The following ZCCHC17 variants were observed in gnomAD, a reference collection of about 807,000 sequenced individuals.
ZCCHC17 encodes the protein zinc finger CCHC domain-containing protein 17.
In ZCCHC17, 18 loss-of-function variants were observed where a neutral mutation model predicts 30.6. The ratio of observed to expected loss-of-function variants is 0.59; its 90% CI spans 0.41 to 0.87. The LOEUF (loss-of-function observed/expected upper bound fraction) is 0.87, where lower values mean the gene tolerates loss of function less well. Among genes scored for constraint, ZCCHC17 ranks in the 40% least tolerant of loss-of-function variants. ZCCHC17 has a pLI of 0.00. For synonymous variants in ZCCHC17, 88 were observed against 92.4 expected (o/e 0.95, Z 0.27); for missense variants, 263 against 284.2 (o/e 0.93, Z 0.54).
chr1:31,348,952 A>G lies in ZCCHC17; in HGVS notation c.542A>G (p.Asn181Ser). The change falls in exon 7 of 8, where the codon AAT becomes AGT. Residue 181 changes from asparagine to serine, a missense_variant. Coordinates refer to ENST00000344147, the MANE Select transcript of ZCCHC17 (RefSeq NM_016505.4). ...AEFEKPDPTR[N>S]PSRKRKKEKK... ...TTTGAGAAGCCTGACCCTACAAGGA[A>G]TCCTTCTAGAAAAAGAAAGAAGGTG... is the stretch of plus-strand genomic sequence containing the variant. 1 of 1,581,498 alleles carries G rather than the reference A, an allele frequency of 6.3e-7. No individual in the cohort carries two copies. The highest frequency in any genetic ancestry group is 1.4e-5 in the African/African-American group (1 of 72,868).
chr1:31,333,965 A>C (rs1638697177), intron 3 of ZCCHC17, among the ~76,000 whole-genome samples: 1 of 152,220 alleles, frequency 6.6e-6, no homozygotes, highest in Non-Finnish European at 1.5e-5. Flanking sequence ...GTCAAGATGA[A>C]GGGCTTCCCC....
At position 31,338,994 on chromosome 1, in the gene ZCCHC17, AG is replaced by A. The variant is rs1449184557; in HGVS notation, c.265del (p.Val89LeufsTer41). ...AGAATAAAAGTATCCCTCTCCATGA[AG>A]GTTGTCAATCAAGGGACTGGGAAAG... ...NDRIKVSLSM[K>X]VVNQGTGKDL... On this transcript the variant is annotated frameshift_variant, in exon 5 of 8. Coordinates refer to ENST00000344147, the MANE Select transcript of ZCCHC17 (RefSeq NM_016505.4). LOFTEE classifies it high-confidence loss of function. The A allele has an allele frequency of 6.2e-7, 1 of 1,612,768 alleles. No homozygotes were observed. Among genetic ancestry groups the A allele is most frequent in the East Asian group, 2.2e-5 (1 of 44,862 alleles).
chr1:31,351,615 G>C (rs996765668), intron 7 of ZCCHC17, among the ~76,000 whole-genome samples: 2 of 152,008 alleles, frequency 1.3e-5, no homozygotes, highest in African/African-American at 4.8e-5. Context: ...GGTGGGGCAC[G>C]GACTGTGGTC....
intron 7 of ZCCHC17, among the ~76,000 whole-genome samples, chr1:31,351,250 C>G (rs751346574): frequency 3.2e-4 from 48 of 152,304 alleles, no homozygotes; most frequent in Non-Finnish European, 5.9e-4. Flanking sequence ...TCACCAAGTC[C>G]TGGCAGTGGT....
intron 3 of ZCCHC17, among the ~76,000 whole-genome samples, chr1:31,327,156 A>G (rs1638388124): frequency 6.6e-6 from 1 of 152,216 alleles, no homozygotes; most frequent in South Asian, 2.1e-4. Context: ...CCTGACACCA[A>G]CCAACTCCCC....
intron 1 of ZCCHC17, among the ~76,000 whole-genome samples, chr1:31,303,787 C>G (rs985956980): frequency 6.6e-6 from 1 of 152,172 alleles, no homozygotes; most frequent in African/African-American, 2.4e-5. Flanking sequence ...AGGACATTCT[C>G]CTCTATAGCC....
chr1:31,315,881 C>A (rs145136803), intron 2 of ZCCHC17, among the ~76,000 whole-genome samples: 113 of 152,262 alleles, frequency 7.4e-4, no homozygotes, highest in African/African-American at 2.6e-3. Context: ...GATGAAAACA[C>A]CTGGTGCTAG....
intron 3 of ZCCHC17, among the ~76,000 whole-genome samples, chr1:31,335,242 C>T (rs1051824935): frequency 6.6e-6 from 1 of 152,086 alleles, no homozygotes; most frequent in Non-Finnish European, 1.5e-5. Context: ...TTGGCTTTGG[C>T]AATTTTTTGT....
At chr1:31,330,375 T>C (rs1638536867) in intron 3 of ZCCHC17, among the ~76,000 whole-genome samples, 1 of 152,228 alleles carries the variant, frequency 6.6e-6, no homozygotes, top group Non-Finnish European at 1.5e-5. Context: ...GTTGGGTTTA[T>C]TGAACTTGAT....
intron 2 of ZCCHC17, among the ~76,000 whole-genome samples, chr1:31,317,256 C>G (rs1232798812): frequency 6.6e-6 from 1 of 152,108 alleles, no homozygotes; most frequent in East Asian, 1.9e-4. Context: ...AACTCCTGAC[C>G]TCAGGTGATC....
intron 7 of ZCCHC17, among the ~76,000 whole-genome samples, chr1:31,359,877 G>A (rs1353740927): frequency 6.6e-6 from 1 of 151,682 alleles, no homozygotes; most frequent in Non-Finnish European, 1.5e-5. Flanking sequence ...ATTATCTTCT[G>A]TTTCCCTTCT....
chr1:31,327,294 C>G (rs1174924601), intron 3 of ZCCHC17, among the ~76,000 whole-genome samples: 3 of 152,302 alleles, frequency 2.0e-5, no homozygotes, highest in Admixed American at 2.0e-4. Flanking sequence ...TTTCAGATGC[C>G]AGCTGCAAGT....
At chr1:31,305,272 C>CT (rs113992102) in intron 1 of ZCCHC17, among the ~76,000 whole-genome samples, 82 of 146,446 alleles carry the variant, frequency 5.6e-4, no homozygotes, top group African/African-American at 1.6e-3. Context: ...TCAGAGTTGA[C>CT]TTTTTTTTTT....
chr1:31,307,526 C>T lies in ZCCHC17; in HGVS notation c.-55-2518C>T, dbSNP rs548470514. Among the ~76,000 whole-genome samples the T allele has an allele frequency of 7.9e-5, 12 of 151,470 alleles. No individual in the cohort carries two copies. The East Asian group carries it at 2.3e-3, about 30-fold the overall frequency. On this transcript the variant is annotated intron_variant, in intron 1 of 7. Transcript: ENST00000344147. The stretch of plus-strand genomic sequence containing the variant: ...ACCGGTTCAAGTGATTCTCCTGCCT[C>T]CAGAGTAGCTGGGATTACAGGCGCC...
At chr1:31,319,788 A>G (rs1646818564) in intron 3 of ZCCHC17, among the ~76,000 whole-genome samples, 1 of 152,138 alleles carries the variant, frequency 6.6e-6, no homozygotes, top group Non-Finnish European at 1.5e-5. Flanking sequence ...GGATCTTTCT[A>G]CTATATCACA....
chr1:31,330,490 G>A (rs1638541230), intron 3 of ZCCHC17, among the ~76,000 whole-genome samples: 1 of 152,138 alleles, frequency 6.6e-6, no homozygotes, highest in Admixed American at 6.6e-5. Context: ...GGGAAGCAAA[G>A]CATTTTTGTT....
intron 3 of ZCCHC17, among the ~76,000 whole-genome samples, chr1:31,331,959 C>T (rs557363077): frequency 1.4e-4 from 22 of 151,920 alleles, no homozygotes; most frequent in African/African-American, 5.1e-4. Flanking sequence ...CCTTCATGGA[C>T]AAAAAAAGTA....
At chr1:31,337,302 G>A in intron 4 of ZCCHC17, 27 bp downstream of exon 4, 1 of 1,597,130 alleles carries the variant, frequency 6.3e-7, no homozygotes, top group East Asian at 2.2e-5. Flanking sequence ...CTCCCTTGTG[G>A]TTAGAAAGGA....
chr1:31,347,866 C>T (rs1162845688), intron 6 of ZCCHC17, among the ~76,000 whole-genome samples: 1 of 152,182 alleles, frequency 6.6e-6, no homozygotes, highest in Non-Finnish European at 1.5e-5. Flanking sequence ...CTCAGCCTCC[C>T]AAAGTACTGA....
Sources: gnomAD v4.1 joint callset for allele counts (sites outside exome capture counted in the v4.1 genomes callset) on GRCh38, gnomAD v4.1.1 for gene constraint, MANE v1.5 for transcripts, NCBI Gene and HGNC (gene_info 2026-07-23, HGNC 2026-07-21) for gene names.